Variants in HIP1R observed in about 807,000 individuals in gnomAD.
HIP1R encodes huntingtin-interacting protein 1-related protein.
In HIP1R, 135 loss-of-function variants were observed where a neutral mutation model predicts 144.2. The ratio of observed to expected loss-of-function variants is 0.94; its 90% CI spans 0.81 to 1.08. HIP1R has a LOEUF of 1.08. Among genes scored for constraint, HIP1R ranks in the 50% least tolerant of loss-of-function variants. The pLI is 0.00. For synonymous variants in HIP1R, 698 were observed against 612.8 expected, an observed-to-expected ratio of 1.14 and a Z score of -2.05; for missense variants, 1,462 against 1,432.8, an observed-to-expected ratio of 1.02 and a Z score of -0.33.
chr12:122,860,569 G>T, intron 27 of HIP1R, 46 bp downstream of exon 27: 1 of 1,581,556 alleles, frequency 6.3e-7, no homozygotes. Flanking sequence ...CTTCCTGCCA[G>T]TTGGAGCAGT....
intron 7 of HIP1R, chr12:122,853,790 G>GCT: frequency 5.0e-6 from 2 of 400,044 alleles, no homozygotes; most frequent in Non-Finnish European, 8.9e-6. Flanking sequence ...CCAGGTGGAG[G>GCT]TCTCTGGAAG....
chr12:122,849,877 A>C lies in HIP1R; in HGVS notation c.360A>C (p.Gly120=). ...SNIREIGDLW[G]HLHDRYGQLV... ...TCACCCTGTCTGTCTTCACACAGGGACATTTGCATGACCGCTACGGACAGC... is the reference window on the plus strand; with the variant it reads ...TCACCCTGTCTGTCTTCACACAGGGCCATTTGCATGACCGCTACGGACAGC... Residue 120 remains glycine (G), a splice_region_variant and synonymous_variant, in exon 5 of 32, where the codon GGA becomes GGC. Transcript: ENST00000253083. 6.2e-7 allele frequency: 1 copy of C among 1,612,244 alleles called. No individual in the cohort carries two copies. Among genetic ancestry groups the C allele is most frequent in the Non-Finnish European group, 8.5e-7 (1 of 1,178,894 alleles).
At chr12:122,856,399 A>G in intron 15 of HIP1R, 33 bp from the exon 16 acceptor site, 1 of 1,607,190 alleles carries the variant, frequency 6.2e-7, no homozygotes, top group South Asian at 1.1e-5. Context: ...CGGGGATGGC[A>G]GCAGAGCATG....
chr12:122,838,804 A>G (rs2032977958), intron 1 of HIP1R, among the ~76,000 whole-genome samples: 1 of 152,208 alleles, frequency 6.6e-6, no homozygotes, highest in Non-Finnish European at 1.5e-5. Context: ...AGGAGGTCGG[A>G]CTGAGTCCAT....
intron 4 of HIP1R, among the ~76,000 whole-genome samples, chr12:122,849,427 C>T (rs1043790173): frequency 7.2e-5 from 11 of 152,242 alleles, no homozygotes; most frequent in African/African-American, 2.2e-4. Context: ...CTGACCAGGG[C>T]GTTATCCAAC....
Position 122,859,116 on chromosome 12 carries a change from G to C in HIP1R, c.2214G>C (p.Gln738His). Residue 738 changes from glutamine (Q) to histidine (H), a missense_variant, in exon 22 of 32, where the codon CAG becomes CAC. Physicochemically the swap from Gln to His is conservative, Grantham distance 24. Around this residue, in one of 2 missense-constraint regions of HIP1R, gnomAD observed 1,112 missense variants for 1,011.7 expected, o/e 1.10. Coordinates refer to ENST00000253083, the MANE Select transcript of HIP1R (RefSeq NM_003959.3). ...CCCGGGCTCTGGAGCTCATGGGGCA[G>C]CTGCAGGACCAGCAGGCTCTGCGGC... ...CGARALELMG[Q>H]LQDQQALRHM... The C allele has an allele frequency of 2.5e-6, 4 of 1,597,936 alleles. No individual in the cohort carries two copies. The highest frequency in any genetic ancestry group is 3.4e-6 in the Non-Finnish European group (4 of 1,172,984).
chr12:122,835,819 C>A lies in HIP1R; in HGVS notation c.93+176C>A, dbSNP rs1436026388. ...TCTCCGAGAGCTCCGCTGCCGCCCC[C>A]CGCCGGCCTCCGCGGCCCGAGCCGA... On this transcript the variant is annotated intron_variant, in intron 1 of 31. Transcript: ENST00000253083. Among the ~76,000 whole-genome samples the A allele has an allele frequency of 9.4e-5, 14 of 148,876 alleles. No homozygotes were observed. The East Asian group carries it at 2.5e-3, about 27-fold the overall frequency.
rs1189427074 is a variant in HIP1R, at chr12:122,858,886, C to T, written c.2099C>T (p.Ala700Val). 6 of 1,613,176 alleles carry T rather than the reference C, an allele frequency of 3.7e-6. No individual in the cohort carries two copies. Among genetic ancestry groups the T allele is most frequent in the East Asian group, 4.5e-5 (2 of 44,896 alleles). ...AALTRFSHLA[A>V]DTIINGGATS... ...CTGACCCGCTTCTCCCACCTGGCTG[C>T]GGATACCATCATCAATGGCGGTGCC... Residue 700 changes from alanine to valine, a missense_variant, in exon 21 of 32, where the codon GCG becomes GTG. By Grantham distance (64) the Ala-to-Val change is moderately conservative. Around this residue, in one of 2 missense-constraint regions of HIP1R, gnomAD observed 1,112 missense variants for 1,011.7 expected, o/e 1.10. Transcript: ENST00000253083.
intron 7 of HIP1R, 123 bp from the exon 8 acceptor site, chr12:122,853,920 G>T: frequency 8.5e-7 from 1 of 1,174,548 alleles, no homozygotes; most frequent in Non-Finnish European, 1.2e-6. Flanking sequence ...CTCCCGTCTT[G>T]GAGGCAGGGG....
At position 122,855,591 on chromosome 12, in the gene HIP1R, A is replaced by C. The variant is rs149504879; in HGVS notation, c.1034A>C (p.Asn345Thr). The change falls in exon 12 of 32, where the codon AAT (asparagine) becomes ACT (threonine). Residue 345 changes from asparagine to threonine, a missense_variant. Coordinates refer to ENST00000253083, the MANE Select transcript of HIP1R (RefSeq NM_003959.3). ...TTCGATCAGACGTTTGGACCCCCCA[A>C]TGGGTCTGTGAAGGACGACAGGTGA... ...DLFDQTFGPP[N>T]GSVKDDRDLQ... is the part of the protein sequence containing the mutation. 6 of 1,549,676 alleles carry C rather than the reference A, an allele frequency of 3.9e-6. No individual in the cohort carries two copies. The highest frequency in any genetic ancestry group is 5.2e-6 in the Non-Finnish European group (6 of 1,147,038).
intron 30 of HIP1R, 58 bp downstream of exon 30, chr12:122,861,250 C>G: frequency 6.2e-7 from 1 of 1,613,238 alleles, no homozygotes; most frequent in Non-Finnish European, 8.5e-7. Flanking sequence ...GAAGCCTGGA[C>G]CCAGGAGAGA....
intron 7 of HIP1R, 137 bp from the exon 8 acceptor site, chr12:122,853,906 G>A (rs538049073): frequency 3.9e-6 from 4 of 1,018,466 alleles, no homozygotes; most frequent in South Asian, 3.4e-5. Context: ...ACCAGCACAT[G>A]AGGCTCCCGT....
chr12:122,841,338 A>AT, intron 1 of HIP1R, among the ~76,000 whole-genome samples: 1 of 152,228 alleles, frequency 6.6e-6, no homozygotes, highest in African/African-American at 2.4e-5. Flanking sequence ...GCGCATGTGT[A>AT]GACCAGGCTC....
At position 122,860,072 on chromosome 12, in the gene HIP1R, ATGAAGG is replaced by A; in HGVS notation, c.2495_2496+4del. The A allele has an allele frequency of 6.4e-7, 1 of 1,574,688 alleles. No individual in the cohort carries two copies. Among genetic ancestry groups the A allele is most frequent in the Middle Eastern group, 1.7e-4 (1 of 5,874 alleles). ...GATCCTCAACTCCTGCACAGACCTG[ATGAAGG>A]TGAGGGGCTGTGACCCGGGGGGGTC... On this transcript the variant is annotated splice_donor_variant and coding_sequence_variant, in exon 25 of 32. Transcript: ENST00000253083. LOFTEE classifies it high-confidence loss of function.
chr12:122,860,300 C>T (rs1050879273), intron 26 of HIP1R, 90 bp downstream of exon 26: 1 of 1,539,540 alleles, frequency 6.5e-7, no homozygotes, highest in African/African-American at 1.4e-5. Context: ...CACCCCCTAC[C>T]ACAGGGAGGC....
At position 122,855,080 on chromosome 12, in the gene HIP1R, C is replaced by T. The variant is rs375709915; in HGVS notation, c.804C>T (p.Ser268=). 2.2e-5 allele frequency: 35 copies of T among 1,613,790 alleles called. No homozygotes were observed. Among genetic ancestry groups the T allele is most frequent in the Middle Eastern group, 1.6e-4 (1 of 6,084 alleles). Residue 268 remains serine, a synonymous_variant, in exon 10 of 32, where the codon TCC becomes TCT. Transcript: ENST00000253083. ...HSLRNFFRRA[S]DMLYFKRLIQ... is the part of the protein sequence containing the mutation. ...TCAGGAACTTCTTCCGCAGAGCCTCCGACATGCTGTACTTCAAGCGGCTCA... is the reference window on the plus strand; with the variant it reads ...TCAGGAACTTCTTCCGCAGAGCCTCTGACATGCTGTACTTCAAGCGGCTCA...
intron 19 of HIP1R, 36 bp downstream of exon 19, chr12:122,858,285 C>T (rs1406856537): frequency 6.3e-7 from 1 of 1,579,650 alleles, no homozygotes; most frequent in Admixed American, 1.7e-5. Flanking sequence ...GCTCCCCTGC[C>T]TCCTTCCCAT....
chr12:122,835,602 C>T lies in HIP1R; in HGVS notation c.52C>T (p.His18Tyr). 1.5e-6 allele frequency: 2 copies of T among 1,331,680 alleles called. No individual in the cohort carries two copies. The highest frequency in any genetic ancestry group is 1.9e-6 in the Non-Finnish European group (2 of 1,032,816). 82.5% of individuals were successfully genotyped at this position (1,331,680 alleles called of 1,614,324 possible). ...PARVLSRRPG[H>Y]SLEAEREQFD... ...GCGGGTGCTGAGCCGCAGGCCGGGC[C>T]ACAGCCTGGAGGCCGAGCGCGAGCA... is the stretch of plus-strand genomic sequence containing the variant. Residue 18 changes from histidine (H) to tyrosine (Y), a missense_variant, in exon 1 of 32, where the codon CAC becomes TAC. By Grantham distance (83) the His-to-Tyr change is moderately conservative. Coordinates refer to ENST00000253083, the MANE Select transcript of HIP1R (RefSeq NM_003959.3).
At chr12:122,849,142 A>G (rs4759350) in intron 4 of HIP1R, among the ~76,000 whole-genome samples, 5,196 of 152,342 alleles carry the variant, frequency 0.034, 115 homozygotes, top group Non-Finnish European at 0.053. Flanking sequence ...CGGTGGTTAG[A>G]GAGCCTGTGG....
Sources: allele counts gnomAD v4.1 joint callset (sites outside exome capture counted in the v4.1 genomes callset), GRCh38; gene constraint gnomAD v4.1.1; regional missense constraint gnomAD v4.1.1; transcripts MANE v1.5; gene names NCBI Gene and HGNC (gene_info 2026-07-23, HGNC 2026-07-21).